The following FGF3 variants were observed in gnomAD, a reference collection of about 807,000 sequenced individuals.
FGF3 encodes the protein fibroblast growth factor 3, also known as FGF-3.
Under a neutral mutation model 9.8 loss-of-function variants are expected in FGF3, and 7 were observed. That is an observed-to-expected ratio of 0.72 (90% CI 0.41 to 1.35). The LOEUF is 1.35. Among genes scored for constraint, FGF3 ranks in the 40% most tolerant of loss-of-function variants. The pLI is 0.01. For missense variants in FGF3, 390 were observed against 345.6 expected (o/e 1.13, Z -1.02); for synonymous variants, 173 against 157.2 (o/e 1.10, Z -0.75).
At chr11:69,815,707 A>G (rs1248212876) in intron 2 of FGF3, among the ~76,000 whole-genome samples, 1 of 152,088 alleles carries the variant, frequency 6.6e-6, no homozygotes, top group East Asian at 1.9e-4. Flanking sequence ...CCTACCCCTT[A>G]TGAAGAGGGG....
chr11:69,812,638 C>T lies in FGF3; in HGVS notation c.325-1938G>A, dbSNP rs569724758. On this transcript the variant is annotated intron_variant, in intron 2 of 2. Coordinates refer to ENST00000334134, the MANE Select transcript of FGF3 (RefSeq NM_005247.4). ...GGCTCAGCGACTATCTGGGAATGAGCGGGTGGGCTCAGGGCCGACTTCCCC... is the reference window on the plus strand; with the variant it reads ...GGCTCAGCGACTATCTGGGAATGAGTGGGTGGGCTCAGGGCCGACTTCCCC... Among the ~76,000 whole-genome samples the T allele has an allele frequency of 5.3e-5, 8 of 152,262 alleles. No homozygotes were observed. The East Asian group carries it at 1.4e-3, about 26-fold the overall frequency.
chr11:69,819,274 G>T lies in FGF3; in HGVS notation c.-341C>A, dbSNP rs1295131772. Among the ~76,000 whole-genome samples the T allele has an allele frequency of 6.6e-6, 1 of 151,658 alleles. No homozygotes were observed. The highest frequency in any genetic ancestry group is 6.6e-5 in the Admixed American group (1 of 15,258). Reference sequence around the variant, plus strand: ...CCCCAGGCGGAGGCGCGGGAGGGGCGGGAGGCCGGCGGGTGGGGAGCCCCG... The same window carrying T: ...CCCCAGGCGGAGGCGCGGGAGGGGCTGGAGGCCGGCGGGTGGGGAGCCCCG... On this transcript the variant is annotated 5_prime_UTR_variant, in exon 1 of 3. Transcript: ENST00000334134.
chr11:69,810,570 A>C lies in FGF3; in HGVS notation c.455T>G (p.Leu152Arg). Residue 152 changes from leucine to arginine, a missense_variant, in exon 3 of 3, where the codon CTG becomes CGG. Coordinates refer to ENST00000334134, the MANE Select transcript of FGF3 (RefSeq NM_005247.4). Reference sequence around the variant, plus strand: ...CTTGCCGTTCACAGACACGTACCACAGTCTCTCGGCGCTGGGCTGCCGGCG... The same window carrying C: ...CTTGCCGTTCACAGACACGTACCACCGTCTCTCGGCGCTGGGCTGCCGGCG... ...GARRQPSAER[L>R]WYVSVNGKGR... The C allele has an allele frequency of 1.2e-6, 2 of 1,612,542 alleles. No homozygotes were observed. Among genetic ancestry groups the C allele is most frequent in the South Asian group, 2.2e-5 (2 of 91,064 alleles).
chr11:69,811,728 T>C (rs973931027), intron 2 of FGF3, among the ~76,000 whole-genome samples: 2 of 152,130 alleles, frequency 1.3e-5, no homozygotes, highest in Non-Finnish European at 2.9e-5. Context: ...CCACAGATAC[T>C]GCTGTTCTTA....
intron 2 of FGF3, among the ~76,000 whole-genome samples, chr11:69,811,382 A>T (rs1467277153): frequency 6.7e-6 from 1 of 149,352 alleles, no homozygotes; most frequent in Non-Finnish European, 1.5e-5. Flanking sequence ...CCCGGGAGGC[A>T]GAGGTTGCAG....
At position 69,810,426 on chromosome 11, in the gene FGF3, C is replaced by T. The variant is rs1554980316; in HGVS notation, c.599G>A (p.Arg200Lys). Residue 200 changes from arginine (R) to lysine (K), a missense_variant, in exon 3 of 3, where the codon AGA becomes AAA. Arg to Lys is a conservative substitution (Grantham distance 26). Transcript: ENST00000334134. The part of the protein sequence containing the change: ...MVRQLQSGLP[R>K]PPGKGVQPRR... ...GGGCTGGACCCCCTTACCAGGGGGT[C>T]TGGGCAGCCCACTCTGTAGCTGCCG... is the stretch of plus-strand genomic sequence containing the variant. The T allele has an allele frequency of 3.2e-6, 5 of 1,582,910 alleles. No individual in the cohort carries two copies. Among genetic ancestry groups the T allele is most frequent in the Non-Finnish European group, 4.3e-6 (5 of 1,162,606 alleles).
intron 2 of FGF3, among the ~76,000 whole-genome samples, chr11:69,813,617 TG>T (rs781999594): frequency 0.15 from 8,781 of 60,346 alleles, 214 homozygotes; most frequent in East Asian, 0.18. Context: ...GATGGATGGG[TG>T]GATGGATGGA....
intron 1 of FGF3, chr11:69,817,462 C>G (rs1223671375): frequency 6.6e-6 from 1 of 152,306 alleles, no homozygotes; most frequent in Non-Finnish European, 1.5e-5. Flanking sequence ...CGCGCGCCCT[C>G]CCCTCCCCGT....
At chr11:69,816,298 C>A (rs782319059) in intron 2 of FGF3, 22 bp downstream of exon 2, 11 of 1,580,352 alleles carry the variant, frequency 7.0e-6, no homozygotes, top group Non-Finnish European at 9.6e-6. Context: ...CAGCGCCCAC[C>A]CACGTGACAG....
At chr11:69,815,248 G>A (rs564266817) in intron 2 of FGF3, among the ~76,000 whole-genome samples, 1 of 151,042 alleles carries the variant, frequency 6.6e-6, no homozygotes, top group East Asian at 2.0e-4. Context: ...GTGGATGGGT[G>A]GATGGATGGA....
rs542745310 is a variant in FGF3, at chr11:69,819,105, G to A, written c.-172C>T. ...GAAGAAGGGGGAAGGGTGGGCGAGA[G>A]AGAGAAAGAGAGGGAGAGTGGGAGA... On this transcript the variant is annotated 5_prime_UTR_variant, in exon 1 of 3. Coordinates refer to ENST00000334134, the MANE Select transcript of FGF3 (RefSeq NM_005247.4). 1.3e-5 allele frequency: 6 copies of A among 449,678 alleles called. No homozygotes were observed. In the East Asian group the frequency reaches 1.8e-4, roughly 14 times the overall value. The allele number at this position is 449,678 out of a possible 1,614,324, so 27.9% of individuals were successfully genotyped here. A position where few individuals can be genotyped will look rare whatever the true frequency, so the allele number is the denominator to read the frequency against.
At chr11:69,813,772 A>ATGGG (rs1565114983) in intron 2 of FGF3, among the ~76,000 whole-genome samples, 9 of 97,296 alleles carry the variant, frequency 9.3e-5, no homozygotes, top group Admixed American at 3.0e-4. Flanking sequence ...GGATGGGTGG[A>ATGGG]TGGATGGATG....
chr11:69,815,295 T>C (rs1226980906), intron 2 of FGF3, among the ~76,000 whole-genome samples: 1 of 149,252 alleles, frequency 6.7e-6, no homozygotes, highest in African/African-American at 2.5e-5. Context: ...GATGGGTGGA[T>C]GAGTGGATGG....
At chr11:69,816,462 A>G (rs1554981106) in intron 1 of FGF3, 39 bp from the exon 2 acceptor site, 2 of 1,514,588 alleles carry the variant, frequency 1.3e-6, no homozygotes, top group Non-Finnish European at 1.8e-6. Flanking sequence ...CGCCGCCCCC[A>G]CGGAGGGGGC....
chr11:69,812,456 A>T (rs757332002), intron 2 of FGF3, among the ~76,000 whole-genome samples: 5 of 152,028 alleles, frequency 3.3e-5, no homozygotes, highest in African/African-American at 4.8e-5. Context: ...GCCCTCTTGG[A>T]GGCCCAGTGC....
At chr11:69,816,264 G>T in intron 2 of FGF3, 56 bp downstream of exon 2, 1 of 1,330,426 alleles carries the variant, frequency 7.5e-7, no homozygotes, top group Non-Finnish European at 1.1e-6. Flanking sequence ...CTGGCTTGAT[G>T]TGCAGGCCAG....
At chr11:69,815,466 T>C (rs1481260873) in intron 2 of FGF3, among the ~76,000 whole-genome samples, 5 of 152,180 alleles carry the variant, frequency 3.3e-5, no homozygotes, top group African/African-American at 9.7e-5. Context: ...TAAAAATCTG[T>C]GATGAAATCA....
chr11:69,814,458 G>A (rs1856095558), intron 2 of FGF3, among the ~76,000 whole-genome samples: 1 of 152,010 alleles, frequency 6.6e-6, no homozygotes, highest in South Asian at 2.1e-4. Context: ...AGGATGTTGG[G>A]GGAGGGTGGT....
chr11:69,818,906 TG>T lies in FGF3; in HGVS notation c.27del (p.Ser10AlafsTer69). On this transcript the variant is annotated frameshift_variant, in exon 1 of 3. Coordinates refer to ENST00000334134, the MANE Select transcript of FGF3 (RefSeq NM_005247.4). LOFTEE classifies it high-confidence loss of function. ...GCGGGCCAGCCGGGCTCCAGCAGGC[TG>T]AGCAGTAGCAGCCAGATTAGGCCCA... MGLIWLLL[L>X]SLLEPGWPAA... The T allele has an allele frequency of 6.8e-7, 1 of 1,470,342 alleles. No homozygotes were observed. The highest frequency in any genetic ancestry group is 1.3e-5 in the South Asian group (1 of 77,446). 91.1% of individuals were successfully genotyped at this position (1,470,342 alleles called of 1,614,324 possible).
Sources: gnomAD v4.1 joint callset for allele counts (sites outside exome capture counted in the v4.1 genomes callset) on GRCh38, gnomAD v4.1.1 for gene constraint, MANE v1.5 for transcripts, NCBI Gene and HGNC (gene_info 2026-07-23, HGNC 2026-07-21) for gene names.